The following PTN variants were observed in gnomAD, a reference collection of about 807,000 sequenced individuals.
PTN encodes pleiotrophin.
PTN carries 18 observed loss-of-function variants against 24.1 expected under a neutral mutation model. The observed-to-expected ratio is 0.75, with a 90% CI of 0.52 to 1.11. The LOEUF (loss-of-function observed/expected upper bound fraction) is 1.11, where lower values mean the gene tolerates loss of function less well. Ranked by LOEUF, PTN falls within the 50% of genes least tolerant of loss-of-function variation. The pLI is 0.00. For missense variants in PTN, 163 were observed against 198.8 expected, an observed-to-expected ratio of 0.82 and a Z score of 1.08; for synonymous variants, 78 against 68.6, an observed-to-expected ratio of 1.14 and a Z score of -0.67.
rs373495739 is a variant in PTN at position 137,336,768 on chromosome 7, G to T, written c.-2+6671C>A. 3.3e-5 allele frequency among the ~76,000 whole-genome samples: 5 copies of T among 152,118 alleles called. No homozygotes were observed. The East Asian group carries it at 9.7e-4, about 29-fold the overall frequency. ...GGGAAGAAGTGAGGACTTGCATCTG[G>T]TGCTGCTTCACCATGATCATCATTT... On this transcript the variant is annotated intron_variant, in intron 1 of 4. Transcript: ENST00000348225.
chr7:137,253,622 T>C lies in PTN; in HGVS notation c.131A>G (p.Lys44Arg). ...CCACTGCCATTCTCCACAGTCAGAC[T>C]TCTTCACTTTTTTTTCTGAATGAAA... ...KKEKPEKKVK[K>R]SDCGEWQWSV... Residue 44 changes from lysine (K) to arginine (R), a missense_variant, in exon 3 of 5, where the codon AAG becomes AGG. By Grantham distance (26) the Lys-to-Arg change is conservative. Coordinates refer to ENST00000348225, the MANE Select transcript of PTN (RefSeq NM_002825.7). 1.3e-6 allele frequency: 2 copies of C among 1,545,090 alleles called. No homozygotes were observed. The highest frequency in any genetic ancestry group is 2.7e-5 in the African/African-American group (2 of 73,202).
At chr7:137,255,510 T>C (rs1047480523) in intron 1 of PTN, among the ~76,000 whole-genome samples, 2 of 152,224 alleles carry the variant, frequency 1.3e-5, no homozygotes, top group African/African-American at 2.4e-5. Flanking sequence ...AAAATCATTG[T>C]CATAATCATC....
chr7:137,252,091 C>T (rs576680294), intron 3 of PTN, among the ~76,000 whole-genome samples: 7 of 151,902 alleles, frequency 4.6e-5, no homozygotes, highest in African/African-American at 9.7e-5. Context: ...TGTTTCATTT[C>T]GTAAAAAACT....
At chr7:137,238,184 A>G (rs985866963) in intron 4 of PTN, among the ~76,000 whole-genome samples, 2 of 152,278 alleles carry the variant, frequency 1.3e-5, no homozygotes, top group African/African-American at 4.8e-5. Flanking sequence ...GCAGACTGGG[A>G]GTGTGCCAAG....
chr7:137,333,801 C>G (rs557587262), intron 1 of PTN, among the ~76,000 whole-genome samples: 5 of 152,126 alleles, frequency 3.3e-5, no homozygotes, highest in Admixed American at 6.6e-5. Context: ...ATACTACAAG[C>G]CTACAGTAAC....
chr7:137,278,281 TG>T (rs1398476695), intron 1 of PTN, among the ~76,000 whole-genome samples: 2 of 109,594 alleles, frequency 1.8e-5, no homozygotes, highest in Non-Finnish European at 3.3e-5. Flanking sequence ...CACTCCAGCC[TG>T]GGCGACAGAG....
chr7:137,300,251 G>A (rs1334492808), intron 1 of PTN, among the ~76,000 whole-genome samples: 1 of 151,904 alleles, frequency 6.6e-6, no homozygotes, highest in Non-Finnish European at 1.5e-5. Context: ...TAAGGTACAG[G>A]TGGTTGATTC....
intron 1 of PTN, among the ~76,000 whole-genome samples, chr7:137,333,950 C>T (rs916282077): frequency 2.6e-5 from 4 of 152,080 alleles, no homozygotes; most frequent in Non-Finnish European, 4.4e-5. Flanking sequence ...GAAAGGATTC[C>T]CTATTTAATA....
chr7:137,341,875 T>A (rs941482973), intron 1 of PTN, among the ~76,000 whole-genome samples: 3 of 152,122 alleles, frequency 2.0e-5, no homozygotes, highest in Non-Finnish European at 2.9e-5. Context: ...TATAATTTTT[T>A]AAAATCTCAT....
chr7:137,329,012 A>G (rs907277306), intron 1 of PTN, among the ~76,000 whole-genome samples: 1 of 152,052 alleles, frequency 6.6e-6, no homozygotes, highest in Non-Finnish European at 1.5e-5. Flanking sequence ...GACGTTTAAG[A>G]ATTTTGTGGT....
At chr7:137,253,735 TG>T in intron 2 of PTN, 98 bp from the exon 3 acceptor site, 6 of 1,089,988 alleles carry the variant, frequency 5.5e-6, no homozygotes, top group Non-Finnish European at 7.4e-6. Flanking sequence ...GCAGGATCTG[TG>T]TTTTTTAATC....
chr7:137,297,752 C>T (rs573942210), intron 1 of PTN, among the ~76,000 whole-genome samples: 9 of 152,080 alleles, frequency 5.9e-5, no homozygotes, highest in Admixed American at 2.6e-4. Flanking sequence ...AGACGGCAAA[C>T]GAATCTATTG....
At chr7:137,298,874 T>A (rs1809760847) in intron 1 of PTN, among the ~76,000 whole-genome samples, 1 of 151,954 alleles carries the variant, frequency 6.6e-6, no homozygotes, top group Non-Finnish European at 1.5e-5. Flanking sequence ...AAATTACATG[T>A]CTTTAGGCCT....
At chr7:137,260,542 C>T (rs1191709366) in intron 1 of PTN, among the ~76,000 whole-genome samples, 1 of 152,040 alleles carries the variant, frequency 6.6e-6, no homozygotes, top group African/African-American at 2.4e-5. Context: ...TAAACTGATA[C>T]ATCTTTCAAT....
intron 1 of PTN, among the ~76,000 whole-genome samples, chr7:137,304,738 T>C (rs1809859917): frequency 6.6e-6 from 1 of 152,014 alleles, no homozygotes; most frequent in South Asian, 2.1e-4. Context: ...CTACCTGTTT[T>C]ACATCTTCTT....
intron 1 of PTN, among the ~76,000 whole-genome samples, chr7:137,284,744 G>A (rs1809527478): frequency 6.6e-6 from 1 of 152,158 alleles, no homozygotes; most frequent in African/African-American, 2.4e-5. Flanking sequence ...GCTACAAGAA[G>A]TTGACAGAAG....
At chr7:137,246,195 C>T (rs1035684506) in intron 4 of PTN, among the ~76,000 whole-genome samples, 1 of 152,066 alleles carries the variant, frequency 6.6e-6, no homozygotes. Context: ...TTCTTTTATA[C>T]CATATTTTTA....
chr7:137,334,861 C>T (rs1401062295), intron 1 of PTN, among the ~76,000 whole-genome samples: 1 of 151,664 alleles, frequency 6.6e-6, no homozygotes, highest in Non-Finnish European at 1.5e-5. Context: ...TACTATGCAG[C>T]CATAAAAAAT....
chr7:137,298,642 T>C (rs144582120), intron 1 of PTN, among the ~76,000 whole-genome samples: 2 of 152,098 alleles, frequency 1.3e-5, no homozygotes, highest in Non-Finnish European at 2.9e-5. Flanking sequence ...CTCTGTTGCC[T>C]ATAATTATTG....
Sources: gnomAD v4.1 joint callset for allele counts (sites outside exome capture counted in the v4.1 genomes callset) on GRCh38, gnomAD v4.1.1 for gene constraint, MANE v1.5 for transcripts, NCBI Gene and HGNC (gene_info 2026-07-23, HGNC 2026-07-21) for gene names.